ACACA: variants seen among roughly 807,000 people sequenced by gnomAD.
ACACA encodes acetyl-CoA carboxylase 1.
A neutral mutation model predicts 296.1 loss-of-function variants in ACACA; 103 were observed. The ratio of observed to expected loss-of-function variants is 0.35; its 90% CI spans 0.30 to 0.41. The LOEUF is 0.41. Among genes scored for constraint, ACACA ranks in the 10% least tolerant of loss-of-function variants. ACACA has a pLI of 1.00. For missense variants in ACACA, 1,554 were observed against 2,989.7 expected, an observed-to-expected ratio of 0.52 and a Z score of 11.20; for synonymous variants, 953 against 1,038.6, an observed-to-expected ratio of 0.92 and a Z score of 1.58.
chr17:37,207,688 C>T lies in ACACA; in HGVS notation c.3820G>A (p.Val1274Ile), dbSNP rs1285762078. The T allele has an allele frequency of 1.2e-6, 2 of 1,613,940 alleles. No individual in the cohort carries two copies. Among genetic ancestry groups the T allele is most frequent in the East Asian group, 2.2e-5 (1 of 44,898 alleles). ...AAATCTTCAAAAGTCCGAAAAGAGA[C>T]CATTCCGCCCATCCGCTGACAAGGT... ...TPPCQRMGGM[V>I]SFRTFEDFVR... The change falls in exon 31 of 56, where the codon GTC (valine) becomes ATC (isoleucine). Residue 1274 changes from valine to isoleucine, a missense_variant. By Grantham distance (29) the Val-to-Ile change is conservative (BLOSUM62 3). Coordinates refer to ENST00000616317, the MANE Select transcript of ACACA (RefSeq NM_198834.3).
At chr17:37,215,838 A>G (rs1311849537) in intron 29 of ACACA, among the ~76,000 whole-genome samples, 2 of 152,140 alleles carry the variant, frequency 1.3e-5, no homozygotes, top group East Asian at 3.9e-4. Context: ...AGGAATATTC[A>G]ATGATATAGT....
At position 37,192,259 on chromosome 17, in the gene ACACA, A is replaced by C; in HGVS notation, c.4247T>G (p.Phe1416Cys). 6.2e-7 allele frequency: 1 copy of C among 1,614,170 alleles called. No homozygotes were observed. Among genetic ancestry groups the C allele is most frequent in the Non-Finnish European group, 8.5e-7 (1 of 1,180,034 alleles). The stretch of plus-strand genomic sequence containing the variant: ...TCTCATCCGGTTCAGCTCTAACTGG[A>C]AAGCCAGAGCAGGCTCCAGATGACG... ...IYRHLEPALAFQLELNRMRNF... is the reference protein window; with the variant it reads ...IYRHLEPALACQLELNRMRNF... The change falls in exon 37 of 56, where the codon TTC (phenylalanine) becomes TGC (cysteine). Residue 1416 changes from phenylalanine to cysteine, a missense_variant. Coordinates refer to ENST00000616317, the MANE Select transcript of ACACA (RefSeq NM_198834.3).
chr17:37,268,751 A>C lies in ACACA; in HGVS notation c.1119+2000T>G, dbSNP rs116860860. Among the ~76,000 whole-genome samples the C allele has an allele frequency of 6.6e-3, 954 of 144,548 alleles. 5 individuals are homozygous for C. Among genetic ancestry groups the C allele is most frequent in the Middle Eastern group, 0.021 (6 of 280 alleles). 94.8% of individuals were successfully genotyped at this position (144,548 alleles called of 152,430 possible). ...TATCTATCTATCTATCTATATATAT[A>C]TATATATATATATATATCTGGTTCA... On this transcript the variant is annotated intron_variant, in intron 10 of 55. Transcript: ENST00000616317.
chr17:37,204,165 G>A (rs2078395674), intron 33 of ACACA, among the ~76,000 whole-genome samples: 1 of 152,208 alleles, frequency 6.6e-6, no homozygotes, highest in Non-Finnish European at 1.5e-5. Flanking sequence ...TCCACTCCAA[G>A]AGAACACATG....
chr17:37,280,886 T>G (rs2542663), intron 5 of ACACA, among the ~76,000 whole-genome samples: 1 of 151,932 alleles, frequency 6.6e-6, no homozygotes, highest in Admixed American at 6.6e-5. Flanking sequence ...GCAAATACTA[T>G]ATCACATCTT....
At chr17:37,268,245 G>C (rs981211734) in intron 10 of ACACA, among the ~76,000 whole-genome samples, 1 of 152,132 alleles carries the variant, frequency 6.6e-6, no homozygotes, top group East Asian at 1.9e-4. Context: ...TGGTTGATAA[G>C]CTGTAAGAAA....
chr17:37,099,673 T>A (rs1450673441), intron 52 of ACACA, among the ~76,000 whole-genome samples: 1 of 150,234 alleles, frequency 6.7e-6, no homozygotes, highest in African/African-American at 2.5e-5. Context: ...GAGGGAGGGC[T>A]GATGGCAAGA....
intron 3 of ACACA, among the ~76,000 whole-genome samples, chr17:37,302,863 T>A (rs1354939521): frequency 1.3e-5 from 2 of 152,190 alleles, no homozygotes; most frequent in African/African-American, 4.8e-5. Context: ...ACACCATACA[T>A]TTCACCCACT....
At chr17:37,304,743 C>T (rs2083789473) in intron 3 of ACACA, among the ~76,000 whole-genome samples, 1 of 151,084 alleles carries the variant, frequency 6.6e-6, no homozygotes, top group Admixed American at 6.6e-5. Context: ...TGACCAAGAT[C>T]GTGCCATTGC....
At chr17:37,380,209 G>T (rs1193663537) in intron 1 of ACACA, among the ~76,000 whole-genome samples, 1 of 148,580 alleles carries the variant, frequency 6.7e-6, no homozygotes, top group African/African-American at 2.5e-5. Flanking sequence ...CTCACTCATA[G>T]GTGGGAATTG....
In ACACA at chr17:37,188,304, C is replaced by T. The variant is rs748008261; in HGVS notation, c.4749G>A (p.Lys1583=). The change falls in exon 39 of 56, where the codon AAG becomes AAA. Residue 1583 remains lysine, a synonymous_variant. Coordinates refer to ENST00000616317, the MANE Select transcript of ACACA (RefSeq NM_198834.3). ...GTGCTGTCCTGGAGTCAGTCACTTC[C>T]TTGTATAGGCTGATATCCAAGTAAT... ...SGYYLDISLY[K]EVTDSRTAQI... 3.1e-6 allele frequency: 5 copies of T among 1,614,070 alleles called. No individual in the cohort carries two copies. Among genetic ancestry groups the T allele is most frequent in the Non-Finnish European group, 4.2e-6 (5 of 1,179,996 alleles).
intron 1 of ACACA, chr17:37,388,885 G>A (rs918634615): frequency 1.3e-6 from 2 of 1,494,054 alleles, no homozygotes; most frequent in Non-Finnish European, 1.8e-6. Flanking sequence ...GAAAAGCATA[G>A]ACTTTGGAAT....
At chr17:37,171,859 A>G (rs1283050331) in intron 41 of ACACA, among the ~76,000 whole-genome samples, 1 of 152,220 alleles carries the variant, frequency 6.6e-6, no homozygotes, top group African/African-American at 2.4e-5. Context: ...TTATTTTTTA[A>G]CAAACATGCA....
intron 25 of ACACA, among the ~76,000 whole-genome samples, chr17:37,233,819 C>T (rs887828839): frequency 3.9e-5 from 6 of 152,192 alleles, no homozygotes; most frequent in Non-Finnish European, 5.9e-5. Flanking sequence ...TTACATTGTA[C>T]TAACATATAT....
At chr17:37,389,237 T>C (rs1166943347) in intron 1 of ACACA, 2 of 1,571,538 alleles carry the variant, frequency 1.3e-6, no homozygotes, top group African/African-American at 2.7e-5. Flanking sequence ...AGTCATTTTC[T>C]CCCTTCAGTA....
intron 1 of ACACA, among the ~76,000 whole-genome samples, chr17:37,403,236 A>G (rs975157230): frequency 1.3e-5 from 2 of 152,280 alleles, no homozygotes; most frequent in Admixed American, 6.5e-5. Flanking sequence ...CTCCAAATCT[A>G]TTCTTCCTTC....
intron 41 of ACACA, chr17:37,163,157 C>T (rs968124059): frequency 2.3e-5 from 3 of 131,334 alleles, no homozygotes; most frequent in Non-Finnish European, 4.6e-5. Flanking sequence ...GCCCTCTCAC[C>T]CAGGTGTGGC....
At chr17:37,206,173 G>A (rs958224694) in intron 32 of ACACA, among the ~76,000 whole-genome samples, 7 of 152,170 alleles carry the variant, frequency 4.6e-5, no homozygotes, top group Non-Finnish European at 1.0e-4. Context: ...CCAATAAAAT[G>A]GGGGTGAAAC....
intron 14 of ACACA, 85 bp from the exon 15 acceptor site, chr17:37,253,121 G>T: frequency 1.9e-6 from 3 of 1,585,292 alleles, no homozygotes; most frequent in Non-Finnish European, 2.6e-6. Flanking sequence ...GCCAGGCATG[G>T]TGGCTCACGC....
Sources: allele counts gnomAD v4.1 joint callset (sites outside exome capture counted in the v4.1 genomes callset), GRCh38; gene constraint gnomAD v4.1.1; transcripts MANE v1.5; gene names NCBI Gene and HGNC (gene_info 2026-07-23, HGNC 2026-07-21).